The following ZFC3H1 variants were observed in gnomAD, a reference collection of about 807,000 sequenced individuals.
ZFC3H1 encodes zinc finger C3H1-type containing.
Under a neutral mutation model 243.7 loss-of-function variants are expected in ZFC3H1, and 71 were observed. That is an observed-to-expected ratio of 0.29 (90% confidence interval 0.24 to 0.36). The LOEUF is 0.36. Among genes scored for constraint, ZFC3H1 ranks in the 10% least tolerant of loss-of-function variants. The pLI is 1.00. For synonymous variants in ZFC3H1, 838 were observed against 813.0 expected, an observed-to-expected ratio of 1.03 and a Z score of -0.52; for missense variants, 1,966 against 2,317.1, an observed-to-expected ratio of 0.85 and a Z score of 3.11.
Position 71,632,416 on chromosome 12 carries a change from T to A in ZFC3H1, c.2916A>T (p.Leu972=). 6.2e-7 allele frequency: 1 copy of A among 1,611,784 alleles called. No homozygotes were observed. Among genetic ancestry groups the A allele is most frequent in the Non-Finnish European group, 8.5e-7 (1 of 1,179,838 alleles). Residue 972 remains leucine (L), a synonymous_variant, in exon 15 of 35, where the codon CTA becomes CTT. Coordinates refer to ENST00000378743, the MANE Select transcript of ZFC3H1 (RefSeq NM_144982.5). ...GAATTTTCAGGGCATATTCATATTC[T>A]AGCTTTTGTAACCGTCTTTTCTCCA... ...IAMEKRRLQK[L]EYEYALKIQK...
intron 26 of ZFC3H1, 24 bp downstream of exon 26, chr12:71,619,902 T>G: frequency 6.4e-7 from 1 of 1,564,460 alleles, no homozygotes. Flanking sequence ...AGCATCATAT[T>G]TAAGAATTAT....
In ZFC3H1 at chr12:71,610,404, C is replaced by G; in HGVS notation, c.*24G>C. 6.2e-7 allele frequency: 1 copy of G among 1,609,324 alleles called. No individual in the cohort carries two copies. The highest frequency in any genetic ancestry group is 8.5e-7 in the Non-Finnish European group (1 of 1,177,860). On this transcript the variant is annotated 3_prime_UTR_variant, in exon 35 of 35. Coordinates refer to ENST00000378743, the MANE Select transcript of ZFC3H1 (RefSeq NM_144982.5). ...ATAATTTTGGCAATTATTATAAGGA[C>G]TTAGAACTGACTGCACCCAGTGTTC...
At chr12:71,627,048 A>G (rs1341170788) in intron 21 of ZFC3H1, among the ~76,000 whole-genome samples, 1 of 152,178 alleles carries the variant, frequency 6.6e-6, no homozygotes, top group Non-Finnish European at 1.5e-5. Context: ...ACATCCAGGC[A>G]TGTGTGGGTT....
intron 16 of ZFC3H1, among the ~76,000 whole-genome samples, 186 bp from the exon 17 acceptor site, chr12:71,631,140 G>A (rs1423507745): frequency 6.6e-6 from 1 of 151,970 alleles, no homozygotes; most frequent in African/African-American, 2.4e-5. Context: ...ATAGAAACAA[G>A]TTGCTTTTAT....
intron 1 of ZFC3H1, among the ~76,000 whole-genome samples, chr12:71,661,724 CA>C (rs1440414953): frequency 3.4e-4 from 52 of 152,148 alleles, no homozygotes; most frequent in African/African-American, 1.2e-3. Flanking sequence ...TCAAGTGATC[CA>C]CCGCCTCGGC....
At chr12:71,623,682 GA>G (rs1431176646) in intron 23 of ZFC3H1, 85 bp from the exon 24 acceptor site, 2 of 952,574 alleles carry the variant, frequency 2.1e-6, no homozygotes, top group African/African-American at 1.7e-5. Context: ...TAAAGTTTAT[GA>G]AATAATAAAA....
chr12:71,657,462 A>AT (rs1488397794), intron 1 of ZFC3H1, among the ~76,000 whole-genome samples, 161 bp from the exon 2 acceptor site: 1 of 152,208 alleles, frequency 6.6e-6, no homozygotes, highest in African/African-American at 2.4e-5. Flanking sequence ...TGTGCAGCTA[A>AT]TGCCCACTTT....
chr12:71,632,947 C>T lies in ZFC3H1; in HGVS notation c.2756G>A (p.Arg919Gln). ...TTCTTTACTGGCCACTGCCTTTGCC[C>T]GAGCAAGCTCTTCTCCATATTTTAG... ...LTLKYGEELA[R>Q]AKAVASKEIG... The change falls in exon 14 of 35, where the codon CGG (arginine) becomes CAG (glutamine). Residue 919 changes from arginine to glutamine, a missense_variant. Transcript: ENST00000378743. 1 of 1,613,778 alleles carries T rather than the reference C, an allele frequency of 6.2e-7. No individual in the cohort carries two copies. Among genetic ancestry groups the T allele is most frequent in the Non-Finnish European group, 8.5e-7 (1 of 1,179,884 alleles).
chr12:71,613,754 C>G, intron 30 of ZFC3H1: 1 of 183,924 alleles, frequency 5.4e-6, no homozygotes. Context: ...CCTGCCACAT[C>G]TTGCTCATGG....
At chr12:71,654,693 AAAG>A (rs897507987) in intron 2 of ZFC3H1, among the ~76,000 whole-genome samples, 16 of 152,328 alleles carry the variant, frequency 1.1e-4, no homozygotes, top group South Asian at 2.1e-4. Flanking sequence ...AAAAGAAAAA[AAAG>A]AAGAAGAAAT....
chr12:71,650,179 G>GTCTGAACCTGGGAGGT (rs1222927867), intron 2 of ZFC3H1, among the ~76,000 whole-genome samples: 2 of 151,868 alleles, frequency 1.3e-5, no homozygotes, highest in Non-Finnish European at 2.9e-5. Flanking sequence ...CACAGTGAGA[G>GTCTGAACCTGGGAGGT]TCAGGAGAAT....
Position 71,614,576 on chromosome 12 carries a change from T to C in ZFC3H1, c.5485A>G (p.Ser1829Gly). 4 of 1,612,340 alleles carry C rather than the reference T, an allele frequency of 2.5e-6. No homozygotes were observed. The highest frequency in any genetic ancestry group is 3.4e-6 in the Non-Finnish European group (4 of 1,179,188). The change falls in exon 30 of 35, where the codon AGC becomes GGC. Residue 1829 changes from serine to glycine, a missense_variant. Transcript: ENST00000378743. ...TVPARYPIPF[S>G]SADYWSNYEF... The stretch of plus-strand genomic sequence containing the variant: ...TAGTTGGACCAGTAATCAGCACTGC[T>C]AAAAGGAATGGGGTATCGGGCAGGG...
intron 2 of ZFC3H1, among the ~76,000 whole-genome samples, chr12:71,651,946 T>C (rs1880896854): frequency 6.6e-6 from 1 of 152,140 alleles, no homozygotes; most frequent in Non-Finnish European, 1.5e-5. Flanking sequence ...AGAACTGAAG[T>C]GAAAACTGAT....
intron 3 of ZFC3H1, 106 bp downstream of exon 3, chr12:71,647,643 A>C: frequency 1.6e-6 from 1 of 633,486 alleles, no homozygotes; most frequent in Non-Finnish European, 2.7e-6. Flanking sequence ...GGAATGATGA[A>C]AGAAAATAAG....
rs894185502 is a variant in ZFC3H1 at position 71,632,038 on chromosome 12, A to G, written c.3294T>C (p.Ala1098=). 38 of 1,608,800 alleles carry G rather than the reference A, an allele frequency of 2.4e-5. No individual in the cohort carries two copies. The highest frequency in any genetic ancestry group is 3.1e-5 in the Non-Finnish European group (37 of 1,178,486). ...TTAAAATCAGCTGTTTTAGGCTGTC[A>G]GCTTTTGAATACAATTTTTGCAATT... ...IGELQKLYSK[A]DSLKQLILKT... is the part of the protein sequence containing the mutation. The change falls in exon 15 of 35, where the codon GCT becomes GCC. Residue 1098 remains alanine (A), a synonymous_variant. Coordinates refer to ENST00000378743, the MANE Select transcript of ZFC3H1 (RefSeq NM_144982.5).
intron 2 of ZFC3H1, among the ~76,000 whole-genome samples, chr12:71,653,034 TAA>T (rs1432838906): frequency 6.7e-6 from 1 of 148,818 alleles, no homozygotes; most frequent in African/African-American, 2.5e-5. Flanking sequence ...AAATGAGTAA[TAA>T]CAAAACAAAC....
chr12:71,660,983 A>T (rs960089561), intron 1 of ZFC3H1, among the ~76,000 whole-genome samples: 12 of 151,588 alleles, frequency 7.9e-5, no homozygotes, highest in South Asian at 2.1e-4. Flanking sequence ...TTTAATAAAA[A>T]TTTTTTTTAA....
chr12:71,661,251 G>T (rs1478212825), intron 1 of ZFC3H1, among the ~76,000 whole-genome samples: 2 of 150,800 alleles, frequency 1.3e-5, no homozygotes, highest in Non-Finnish European at 3.0e-5. Context: ...AGTGAGCCGA[G>T]ATCACACCAC....
chr12:71,663,393 G>C lies in ZFC3H1; in HGVS notation c.218C>G (p.Ser73Cys). Residue 73 changes from serine (S) to cysteine (C), a missense_variant, in exon 1 of 35, where the codon TCC (serine) becomes TGC (cysteine). Ser to Cys is a moderately radical substitution (Grantham distance 112). This residue lies in a region of ZFC3H1 where 484 missense variants were observed against 449.7 expected (regional missense o/e 1.08). Transcript: ENST00000378743. ...GGGSGGGGGS[S>C]SSSSSSQQQL... The stretch of plus-strand genomic sequence containing the variant: ...CTGCTGAGAAGAGGACGATGACGAG[G>C]AAGAGCCACCGCCTCCGCCAGATCC... 6.2e-7 allele frequency: 1 copy of C among 1,612,178 alleles called. No individual in the cohort carries two copies. The highest frequency in any genetic ancestry group is 8.5e-7 in the Non-Finnish European group (1 of 1,180,020).
Sources: gnomAD v4.1 joint callset for allele counts (sites outside exome capture counted in the v4.1 genomes callset) on GRCh38, gnomAD v4.1.1 for gene constraint, gnomAD v4.1.1 regional missense constraint, MANE v1.5 for transcripts, NCBI Gene and HGNC (gene_info 2026-07-23, HGNC 2026-07-21) for gene names.